LTF: variants seen among roughly 807,000 people sequenced by gnomAD.
LTF encodes epididymis luminal protein 110.
A neutral mutation model predicts 87.2 loss-of-function variants in LTF; 91 were observed. The observed-to-expected ratio is 1.04, with a 90% CI of 0.88 to 1.24. The LOEUF (loss-of-function observed/expected upper bound fraction) is 1.24, where lower values mean the gene tolerates loss of function less well. Among genes scored for constraint, LTF ranks in the 50% most tolerant of loss-of-function variants. LTF has a pLI of 0.00. For synonymous variants in LTF, 378 were observed against 356.1 expected, an observed-to-expected ratio of 1.06 and a Z score of -0.69; for missense variants, 901 against 904.3, an observed-to-expected ratio of 1.00 and a Z score of 0.05.
At chr3:46,470,402 A>C (rs538800219) in exon 2 of LTF, 1 of 152,366 alleles carries the variant, frequency 6.6e-6, no homozygotes, top group African/African-American at 2.4e-5. Context: ...ACAAGGTTGC[A>C]TTCTGGAGGG....
In LTF at chr3:46,441,429, C is replaced by A. The variant is rs1702512171; in HGVS notation, c.1710G>T (p.Leu570Phe). Reference protein sequence around the residue: ...DVAFVKDVTVLQNTDGNNNEA... With the variant: ...DVAFVKDVTVFQNTDGNNNEA... ...ACCTTCACCTACCATCAGTGTTCTG[C>A]AAGACAGTGACATCTTTCACAAATG... is the stretch of plus-strand genomic sequence containing the variant. Residue 570 changes from leucine (L) to phenylalanine (F), a missense_variant, in exon 14 of 17, where the codon TTG becomes TTT. Leu to Phe is a conservative substitution (Grantham distance 22, BLOSUM62 0). Transcript: ENST00000231751. The A allele has an allele frequency of 2.5e-6, 4 of 1,613,540 alleles. No individual in the cohort carries two copies. The highest frequency in any genetic ancestry group is 2.5e-6 in the Non-Finnish European group (3 of 1,179,744).
intron 6 of LTF, among the ~76,000 whole-genome samples, chr3:46,451,234 G>A (rs1411699862): frequency 7.2e-5 from 11 of 152,158 alleles, no homozygotes; most frequent in Non-Finnish European, 1.5e-4. Flanking sequence ...TCTTGCCCGA[G>A]TCATTTTATG....
At chr3:46,444,317 A>G (rs1702593932) in intron 12 of LTF, among the ~76,000 whole-genome samples, 1 of 152,186 alleles carries the variant, frequency 6.6e-6, no homozygotes. Context: ...CCACCTCTGG[A>G]CTACATGACA....
At chr3:46,463,100 A>G (rs1185705589) in intron 1 of LTF, among the ~76,000 whole-genome samples, 1 of 151,958 alleles carries the variant, frequency 6.6e-6, no homozygotes, top group African/African-American at 2.4e-5. Context: ...CCAGCTCTGG[A>G]GCTATGTGAC....
At chr3:46,452,536 G>A (rs576761867) in intron 6 of LTF, among the ~76,000 whole-genome samples, 2 of 152,300 alleles carry the variant, frequency 1.3e-5, no homozygotes, top group Admixed American at 6.5e-5. Flanking sequence ...GAGTATATTT[G>A]AAAAGGAATA....
rs185577528 is a variant in LTF at position 46,437,939 on chromosome 3, C to A, written c.2098+1G>T. The A allele has an allele frequency of 2.1e-5, 34 of 1,613,526 alleles. No individual in the cohort carries two copies. In the Admixed American group the frequency reaches 2.7e-4, roughly 13 times the overall value. On this transcript the variant is annotated splice_donor_variant, in intron 16 of 16. Transcript: ENST00000231751. LOFTEE classifies it high-confidence loss of function. ...GGGGATGCTAGCTAGGGTCTACTTA[C>A]GGGAGGTTGAGCACTTTTTCAGATT...
chr3:46,450,727 C>G, intron 6 of LTF, 54 bp from the exon 7 acceptor site: 1 of 1,474,042 alleles, frequency 6.8e-7, no homozygotes, highest in South Asian at 1.2e-5. Context: ...CCAGCAGTAA[C>G]CTCGAGCTAT....
At chr3:46,479,912 G>A (rs1703410819) in intron 1 of LTF, among the ~76,000 whole-genome samples, 1 of 152,228 alleles carries the variant, frequency 6.6e-6, no homozygotes, top group Non-Finnish European at 1.5e-5. Flanking sequence ...GAGGTCATGG[G>A]ATTTGCTTAC....
chr3:46,445,895 G>A (rs1264356849), intron 11 of LTF, among the ~76,000 whole-genome samples: 1 of 152,240 alleles, frequency 6.6e-6, no homozygotes, highest in Non-Finnish European at 1.5e-5. Flanking sequence ...GCCCTGAGCT[G>A]AGTCTGAACC....
chr3:46,468,969 G>A (rs950717990), upstream of LTF, among the ~76,000 whole-genome samples: 3 of 152,194 alleles, frequency 2.0e-5, no homozygotes, highest in African/African-American at 4.8e-5. Context: ...AGCTGCCTAC[G>A]TTCATCATTG....
intron 1 of LTF, among the ~76,000 whole-genome samples, chr3:46,462,538 G>T (rs539288540): frequency 8.5e-5 from 13 of 152,326 alleles, no homozygotes; most frequent in African/African-American, 2.6e-4. Context: ...GGGCTAGCCT[G>T]CCTATTTAGG....
intron 11 of LTF, 28 bp from the exon 12 acceptor site, chr3:46,445,464 G>A: frequency 6.3e-7 from 1 of 1,593,132 alleles, no homozygotes; most frequent in Non-Finnish European, 8.6e-7. Flanking sequence ...AGAAAAACAA[G>A]TCTTAACCTC....
intron 1 of LTF, among the ~76,000 whole-genome samples, chr3:46,473,428 A>T (rs68095529): frequency 0.066 from 10,091 of 152,278 alleles, 484 homozygotes; most frequent in South Asian, 0.16. Flanking sequence ...TGGAGTAGGC[A>T]TATCTCTCTC....
chr3:46,447,359 C>T lies in LTF; in HGVS notation c.1252G>A (p.Val418Met), dbSNP rs1559596987. The T allele has an allele frequency of 1.2e-6, 2 of 1,614,192 alleles. No homozygotes were observed. The highest frequency in any genetic ancestry group is 8.5e-7 in the Non-Finnish European group (1 of 1,180,020). ...ADAMSLDGGY[V>M]YTAGKCGLVP... ...AAACCACATTTGCCTGCAGTGTACA[C>T]ATATCCTCCATCCAAACTCATGGCA... Residue 418 changes from valine to methionine, a missense_variant, in exon 10 of 17, where the codon GTG becomes ATG. By Grantham distance (21) the Val-to-Met change is conservative. Transcript: ENST00000231751.
rs555018656 is a variant in LTF at position 46,445,364 on chromosome 3, G to C, written c.1430C>G (p.Ser477Cys). 13 of 1,614,028 alleles carry C rather than the reference G, an allele frequency of 8.1e-6. No homozygotes were observed. Among genetic ancestry groups the C allele is most frequent in the African/African-American group, 8.0e-5 (6 of 75,044 alleles). ...AGTCCTGTCCACGGCGGTGTGGCAG[G>C]ACTTCTTGCCTTTCACAGAGTTCCA... The part of the protein sequence containing the change: ...LTWNSVKGKK[S>C]CHTAVDRTAG... The change falls in exon 12 of 17, where the codon TCC becomes TGC. Residue 477 changes from serine (S) to cysteine (C), a missense_variant. Coordinates refer to ENST00000231751, the MANE Select transcript of LTF (RefSeq NM_002343.6).
intron 16 of LTF, among the ~76,000 whole-genome samples, chr3:46,437,582 C>A (rs956876703): frequency 1.3e-5 from 2 of 152,066 alleles, no homozygotes; most frequent in Admixed American, 6.6e-5. Context: ...CTCTGCTTCC[C>A]AAGGTGGTGG....
At chr3:46,465,208 A>G, upstream of LTF, 1 of 393,618 alleles carries the variant, frequency 2.5e-6, no homozygotes, top group South Asian at 2.6e-5. Flanking sequence ...AGTGCCTTCT[A>G]GAGGGCAGGA....
rs1702753176 is a variant in LTF, at chr3:46,449,791, C to T, written c.1057+63G>A. On this transcript the variant is annotated intron_variant, in intron 8 of 16. Coordinates refer to ENST00000231751, the MANE Select transcript of LTF (RefSeq NM_002343.6). ...AAGGAGTGACCGCCACAAAGTAGGGCCACCTGCTGGGAAGTAGAAGACCAC... is the reference window on the plus strand; with the variant it reads ...AAGGAGTGACCGCCACAAAGTAGGGTCACCTGCTGGGAAGTAGAAGACCAC... The T allele has an allele frequency of 1.9e-6, 3 of 1,575,258 alleles. No homozygotes were observed. In the African/African-American group the frequency reaches 4.1e-5, roughly 21 times the overall value.
At chr3:46,449,551 G>T (rs984119646) in intron 8 of LTF, among the ~76,000 whole-genome samples, 1 of 152,194 alleles carries the variant, frequency 6.6e-6, no homozygotes, top group Admixed American at 6.5e-5. Flanking sequence ...GTAAATCCAG[G>T]CCCCCGGATT....
Sources: gnomAD v4.1 joint callset for allele counts (sites outside exome capture counted in the v4.1 genomes callset) on GRCh38, gnomAD v4.1.1 for gene constraint, MANE v1.5 for transcripts, NCBI Gene and HGNC (gene_info 2026-07-23, HGNC 2026-07-21) for gene names.